Variants in LRCH2 observed in about 807,000 individuals in gnomAD.
The protein encoded by LRCH2 is leucine-rich repeat and calponin homology domain-containing protein 2.
In LRCH2, 38 loss-of-function variants were observed where a neutral mutation model predicts 68.9. The ratio of observed to expected loss-of-function variants is 0.55; its 90% CI spans 0.43 to 0.72. The LOEUF (loss-of-function observed/expected upper bound fraction) is 0.72, where lower values mean the gene tolerates loss of function less well. LRCH2 is among the 30% of genes least tolerant of loss of function. The pLI is 0.00. For synonymous variants in LRCH2, 191 were observed against 208.1 expected (o/e 0.92, Z 0.71); for missense variants, 528 against 572.9 (o/e 0.92, Z 0.80).
Position 115,165,853 on chromosome X carries a change from C to A in LRCH2, c.1186G>T (p.Asp396Tyr). ...NDSHIIGSKT[D>Y]SQKDQEVYDF... ...CCATATGAATTACCTTTCTGAGAAT[C>A]AGTCTTACTTCCTATTATGTGACTG... is the stretch of plus-strand genomic sequence containing the variant. The change falls in exon 8 of 21, where the codon GAT (aspartate) becomes TAT (tyrosine). Residue 396 changes from aspartate (D) to tyrosine (Y), a missense_variant. Asp to Tyr is a radical substitution (Grantham distance 160). Transcript: ENST00000317135. The A allele has an allele frequency of 1.7e-6, 2 of 1,147,880 alleles. No homozygotes were observed. Among genetic ancestry groups the A allele is most frequent in the Non-Finnish European group, 2.3e-6 (2 of 857,964 alleles). The allele number at this position is 1,147,880 out of a possible 1,213,427, so 94.6% of individuals were successfully genotyped here. A position where few individuals can be genotyped will look rare whatever the true frequency, so the allele number is the denominator to read the frequency against.
chrX:115,162,076 T>C (rs1022665215), intron 11 of LRCH2, among the ~76,000 whole-genome samples: 2 of 108,540 alleles, frequency 1.8e-5, no homozygotes, highest in Non-Finnish European at 3.8e-5. Context: ...CACACCACCA[T>C]GCCCGGCTAA....
At chrX:115,116,342 A>G (rs2072082464) in intron 20 of LRCH2, among the ~76,000 whole-genome samples, 1 of 111,553 alleles carries the variant, frequency 9.0e-6, no homozygotes, top group African/African-American at 3.2e-5. Context: ...AACATGTGGT[A>G]TGTATTTAGA....
chrX:115,184,203 G>A (rs782738896), intron 3 of LRCH2, among the ~76,000 whole-genome samples: 155 of 111,910 alleles, frequency 1.4e-3, no homozygotes, highest in African/African-American at 4.7e-3. Context: ...GACGTCACAA[G>A]GACTAAGGAA....
intron 1 of LRCH2, among the ~76,000 whole-genome samples, chrX:115,220,611 TC>T (rs1253562203): frequency 2.7e-5 from 3 of 111,472 alleles, no homozygotes; most frequent in Non-Finnish European, 5.6e-5. Context: ...TTTAAACAAT[TC>T]AGAGCTATAC....
chrX:115,173,796 C>CCCTCCTCTT (rs1284713545), intron 5 of LRCH2, among the ~76,000 whole-genome samples: 2 of 111,365 alleles, frequency 1.8e-5, no homozygotes, highest in Non-Finnish European at 3.8e-5. Flanking sequence ...CTAGACCAAC[C>CCCTCCTCTT]CCTCCTCTTC....
chrX:115,129,257 A>G (rs1448278718), intron 15 of LRCH2, among the ~76,000 whole-genome samples: 2 of 111,148 alleles, frequency 1.8e-5, no homozygotes, highest in Non-Finnish European at 3.8e-5. Flanking sequence ...ACAGTAGGCC[A>G]TTCCCTGGGA....
chrX:115,204,211 T>C (rs6644209), intron 1 of LRCH2, among the ~76,000 whole-genome samples: 11,870 of 112,800 alleles, frequency 0.11, 474 homozygotes, highest in African/African-American at 0.12. Flanking sequence ...AACCATGTCA[T>C]GAGGCTGCAC....
At chrX:115,195,344 A>G (rs2072879726) in intron 1 of LRCH2, among the ~76,000 whole-genome samples, 1 of 109,058 alleles carries the variant, frequency 9.2e-6, no homozygotes, top group African/African-American at 3.3e-5. Flanking sequence ...ACAGAAATGG[A>G]AGGCATCACC....
At chrX:115,206,482 C>G (rs2072968030) in intron 1 of LRCH2, among the ~76,000 whole-genome samples, 1 of 112,397 alleles carries the variant, frequency 8.9e-6, no homozygotes, top group African/African-American at 3.2e-5. Context: ...TGTTCCTGAA[C>G]CACAAACAAT....
At chrX:115,173,483 T>G (rs1251045535) in intron 5 of LRCH2, among the ~76,000 whole-genome samples, 1 of 111,886 alleles carries the variant, frequency 8.9e-6, no homozygotes, top group Non-Finnish European at 1.9e-5. Context: ...TAAACTCCCT[T>G]ACATTCCTTT....
At chrX:115,229,512 GA>G (rs1380494043) in intron 1 of LRCH2, among the ~76,000 whole-genome samples, 2 of 112,058 alleles carry the variant, frequency 1.8e-5, no homozygotes, top group Admixed American at 1.9e-4. Context: ...TTCAATTAAA[GA>G]TAACATTTTA....
intron 16 of LRCH2, among the ~76,000 whole-genome samples, chrX:115,124,885 C>T (rs1219214711): frequency 9.0e-6 from 1 of 111,224 alleles, no homozygotes; most frequent in Non-Finnish European, 1.9e-5. Flanking sequence ...AGCATTACAC[C>T]AATTAGTTTT....
At chrX:115,192,631 C>T (rs201685275) in intron 1 of LRCH2, 72 of 1,168,143 alleles carry the variant, frequency 6.2e-5, no homozygotes, top group Non-Finnish European at 1.5e-5. Flanking sequence ...GGGGGAAGGC[C>T]GGAGCAGATA....
chrX:115,186,421 G>A (rs1465774034), intron 2 of LRCH2, among the ~76,000 whole-genome samples: 2 of 110,284 alleles, frequency 1.8e-5, no homozygotes, highest in East Asian at 2.8e-4. Flanking sequence ...TCTTAATACC[G>A]GCAAATAAAT....
intron 5 of LRCH2, among the ~76,000 whole-genome samples, chrX:115,170,654 A>T (rs1023445340): frequency 1.8e-5 from 2 of 111,803 alleles, no homozygotes; most frequent in Non-Finnish European, 3.8e-5. Flanking sequence ...GAAAAAAGTT[A>T]ATTTTTCTAT....
chrX:115,191,448 C>G, intron 1 of LRCH2: 1 of 1,141,583 alleles, frequency 8.8e-7, no homozygotes, highest in African/African-American at 1.9e-5. Context: ...GAGGCCGCTA[C>G]GAGGAGTACC....
At chrX:115,218,044 T>C (rs1278938644) in intron 1 of LRCH2, among the ~76,000 whole-genome samples, 1 of 111,580 alleles carries the variant, frequency 9.0e-6, no homozygotes, top group East Asian at 2.8e-4. Context: ...GAAGTGTCTG[T>C]TCATATCCTT....
At chrX:115,206,462 C>A (rs1335865551) in intron 1 of LRCH2, among the ~76,000 whole-genome samples, 1 of 112,015 alleles carries the variant, frequency 8.9e-6, no homozygotes, top group Non-Finnish European at 1.9e-5. Context: ...GGCAGACAAC[C>A]GCTTAAAGGT....
chrX:115,232,876 A>G (rs782594599), intron 1 of LRCH2, among the ~76,000 whole-genome samples: 14 of 112,089 alleles, frequency 1.2e-4, no homozygotes, highest in Non-Finnish European at 1.3e-4. Context: ...AACAAAGACT[A>G]CCAGAGAGTA....
Sources: gnomAD v4.1 joint callset for allele counts (sites outside exome capture counted in the v4.1 genomes callset) on GRCh38, gnomAD v4.1.1 for gene constraint, MANE v1.5 for transcripts, NCBI Gene and HGNC (gene_info 2026-07-23, HGNC 2026-07-21) for gene names.